The following JAM2 variants were observed in gnomAD, a reference collection of about 807,000 sequenced individuals.
JAM2 encodes the protein junctional adhesion molecule 2.
In JAM2, 17 loss-of-function variants were observed where a neutral mutation model predicts 42.0. The ratio of observed to expected loss-of-function variants is 0.40; its 90% CI spans 0.28 to 0.61. The LOEUF is 0.61. Ranked by LOEUF, JAM2 falls within the 20% of genes least tolerant of loss-of-function variation. JAM2 has a pLI of 0.37. For synonymous variants in JAM2, 118 were observed against 128.6 expected (o/e 0.92, Z 0.56); for missense variants, 319 against 358.3 (o/e 0.89, Z 0.89).
chr21:25,706,736 AT>A (rs1395228168), intron 7 of JAM2, among the ~76,000 whole-genome samples: 3 of 151,866 alleles, frequency 2.0e-5, no homozygotes, highest in Admixed American at 6.6e-5. Context: ...TGTTTTTAAG[AT>A]TTTTTTTTGT....
intron 1 of JAM2, among the ~76,000 whole-genome samples, chr21:25,675,809 T>C (rs1601021211): frequency 6.6e-6 from 1 of 152,252 alleles, no homozygotes; most frequent in African/African-American, 2.4e-5. Context: ...GAATTACAAC[T>C]GAACATGAGA....
At chr21:25,670,001 A>G (rs547556736) in intron 1 of JAM2, among the ~76,000 whole-genome samples, 1 of 152,346 alleles carries the variant, frequency 6.6e-6, no homozygotes, top group East Asian at 1.9e-4. Flanking sequence ...ATTATGTGCT[A>G]AGGCTGACTC....
chr21:25,693,738 G>A lies in JAM2; in HGVS notation c.242-18G>A. ...TACTTGGATTATTACTAACATCAAT[G>A]TCTTCTTTTTCTAAAAGGTGATTTT... is the stretch of plus-strand genomic sequence containing the variant. On this transcript the variant is annotated intron_variant, in intron 3 of 9. Transcript: ENST00000480456. 6.2e-7 allele frequency: 1 copy of A among 1,605,054 alleles called. No individual in the cohort carries two copies. Among genetic ancestry groups the A allele is most frequent in the Admixed American group, 1.7e-5 (1 of 59,936 alleles).
At chr21:25,657,277 G>C (rs911000918) in intron 1 of JAM2, among the ~76,000 whole-genome samples, 3 of 152,150 alleles carry the variant, frequency 2.0e-5, no homozygotes, top group Non-Finnish European at 4.4e-5. Context: ...AACTCCCAAA[G>C]TGCTGGGATT....
chr21:25,678,284 G>A (rs920043002), intron 1 of JAM2, among the ~76,000 whole-genome samples: 12 of 152,124 alleles, frequency 7.9e-5, no homozygotes, highest in African/African-American at 2.4e-4. Flanking sequence ...GGTAGGTCCC[G>A]TCTTCCCTAC....
chr21:25,694,064 C>T (rs929182675), intron 4 of JAM2, among the ~76,000 whole-genome samples, 156 bp downstream of exon 4: 1 of 152,240 alleles, frequency 6.6e-6, no homozygotes, highest in East Asian at 1.9e-4. Context: ...TCCTGGCAAT[C>T]TCCTGGCCAT....
Position 25,706,010 on chromosome 21 carries a change from C to G in JAM2, c.729C>G (p.Ala243=), listed in dbSNP as rs146826045. 6.2e-7 allele frequency: 1 copy of G among 1,613,482 alleles called. No homozygotes were observed. The highest frequency in any genetic ancestry group is 2.2e-5 in the East Asian group (1 of 44,876). ...DDLNISGIIA[A]VVVVALVISV... ...TCAACATAAGTGGCATCATAGCAGC[C>G]GTAGTAGTTGTGGCCTTAGTGATTT... The change falls in exon 7 of 10, where the codon GCC becomes GCG. Residue 243 remains alanine, a synonymous_variant. Transcript: ENST00000480456.
At position 25,698,499 on chromosome 21, in the gene JAM2, G is replaced by A. The variant is rs150774830; in HGVS notation, c.395-178G>A. On this transcript the variant is annotated intron_variant, in intron 4 of 9. Coordinates refer to ENST00000480456, the MANE Select transcript of JAM2 (RefSeq NM_021219.4). ...ACATGGTCGACTGTGTGCCCATGAAGAAAGAAGATGGGTTTGTTGGACAAG... is the reference window on the plus strand; with the variant it reads ...ACATGGTCGACTGTGTGCCCATGAAAAAAGAAGATGGGTTTGTTGGACAAG... Among the ~76,000 whole-genome samples the A allele has an allele frequency of 3.4e-3, 524 of 152,304 alleles. 4 individuals carry two copies. The highest frequency in any genetic ancestry group is 0.012 in the African/African-American group (507 of 41,570).
At chr21:25,661,108 A>AT (rs1184562131) in intron 1 of JAM2, among the ~76,000 whole-genome samples, 6 of 151,930 alleles carry the variant, frequency 3.9e-5, no homozygotes. Flanking sequence ...CTATTCTTAT[A>AT]TTCCTGTACT....
intron 7 of JAM2, among the ~76,000 whole-genome samples, chr21:25,708,631 C>A (rs957286096): frequency 6.6e-6 from 1 of 152,188 alleles, no homozygotes; most frequent in African/African-American, 2.4e-5. Context: ...ATTTAGCCCA[C>A]TTTAATGTAA....
At chr21:25,713,825 T>C (rs2034429399) in intron 9 of JAM2, among the ~76,000 whole-genome samples, 1 of 152,214 alleles carries the variant, frequency 6.6e-6, no homozygotes. Flanking sequence ...AATACTCCCA[T>C]CCCTCCAAAC....
At chr21:25,691,034 A>C (rs184194332) in intron 3 of JAM2, among the ~76,000 whole-genome samples, 17 of 152,376 alleles carry the variant, frequency 1.1e-4, no homozygotes, top group Admixed American at 1.1e-3. Flanking sequence ...GGTCAATGAT[A>C]CATTGAGGTA....
In JAM2 at chr21:25,673,575, C is replaced by G. The variant is rs569280599; in HGVS notation, c.68-10308C>G. ...CTCTCTGAATAATATCTTTACAACC[C>G]TAAAGGTTGAAAATGGCTATGAAGC... On this transcript the variant is annotated intron_variant, in intron 1 of 9. Coordinates refer to ENST00000480456, the MANE Select transcript of JAM2 (RefSeq NM_021219.4). Among the ~76,000 whole-genome samples the G allele has an allele frequency of 2.6e-5, 4 of 152,192 alleles. No individual in the cohort carries two copies. The East Asian group carries it at 5.8e-4, about 22-fold the overall frequency.
intron 4 of JAM2, among the ~76,000 whole-genome samples, chr21:25,695,684 G>C (rs548338257): frequency 6.6e-6 from 1 of 151,160 alleles, no homozygotes; most frequent in African/African-American, 2.4e-5. Flanking sequence ...GGCGGCTGCC[G>C]GGCGGAGGGG....
At position 25,655,647 on chromosome 21, in the gene JAM2, A is replaced by ATT. The variant is rs536746237; in HGVS notation, c.67+15786_67+15787dup. Among the ~76,000 whole-genome samples, 92 of 90,776 alleles carry ATT rather than the reference A, an allele frequency of 1.0e-3. 3 individuals carry two copies. Among genetic ancestry groups the ATT allele is most frequent in the African/African-American group, 2.5e-3 (43 of 17,516 alleles). The allele number at this position is 90,776 out of a possible 152,430, so 59.6% of individuals were successfully genotyped here. A position where few individuals can be genotyped will look rare whatever the true frequency, so the allele number is the denominator to read the frequency against. On this transcript the variant is annotated intron_variant, in intron 1 of 9. Transcript: ENST00000480456. ...AGGCGTCTGCCACTACGCCCAGCTA[A>ATT]TTTTTTTTTTTTTTTTTTTTTTTTT...
chr21:25,714,271 C>T, intron 9 of JAM2: 3 of 1,248,412 alleles, frequency 2.4e-6, no homozygotes, highest in Non-Finnish European at 2.1e-6. Flanking sequence ...CTTTGGAAGG[C>T]CGCGGCGGGC....
In JAM2 at chr21:25,667,272, G is replaced by A. The variant is rs963115771; in HGVS notation, c.68-16611G>A. Among the ~76,000 whole-genome samples, 5 of 152,196 alleles carry A rather than the reference G, an allele frequency of 3.3e-5. 1 individual carries two copies. Among genetic ancestry groups the A allele is most frequent in the South Asian group, 4.1e-4 (2 of 4,836 alleles). On this transcript the variant is annotated intron_variant, in intron 1 of 9. Coordinates refer to ENST00000480456, the MANE Select transcript of JAM2 (RefSeq NM_021219.4). Reference sequence around the variant, plus strand: ...TTCCTGTCATCCAATCAGTGACATCGTTGTGGCTGAATGATTCGGGATCAC... The same window carrying A: ...TTCCTGTCATCCAATCAGTGACATCATTGTGGCTGAATGATTCGGGATCAC...
chr21:25,644,479 C>T (rs1012645275), intron 1 of JAM2, among the ~76,000 whole-genome samples: 1 of 152,176 alleles, frequency 6.6e-6, no homozygotes, highest in African/African-American at 2.4e-5. Context: ...CACTCACGGC[C>T]CTGCGACACC....
Position 25,714,683 on chromosome 21 carries a change from TTAGA to T in JAM2, c.*12_*15del. The T allele has an allele frequency of 6.7e-7, 1 of 1,496,304 alleles. No homozygotes were observed. The highest frequency in any genetic ancestry group is 2.5e-5 in the East Asian group (1 of 40,306). The allele number at this position is 1,496,304 out of a possible 1,614,324, so 92.7% of individuals were successfully genotyped here. A position where few individuals can be genotyped will look rare whatever the true frequency, so the allele number is the denominator to read the frequency against. On this transcript the variant is annotated 3_prime_UTR_variant, in exon 10 of 10. Coordinates refer to ENST00000480456, the MANE Select transcript of JAM2 (RefSeq NM_021219.4). The stretch of plus-strand genomic sequence containing the variant: ...TCCTTTATAATTTAAAGACTCCACT[TTAGA>T]GATACACCAAAGCCACCGTTGTTAC...
Sources: gnomAD v4.1 joint callset for allele counts (sites outside exome capture counted in the v4.1 genomes callset) on GRCh38, gnomAD v4.1.1 for gene constraint, MANE v1.5 for transcripts, NCBI Gene and HGNC (gene_info 2026-07-23, HGNC 2026-07-21) for gene names.